MRPS28: variants seen among roughly 807,000 people sequenced by gnomAD.
The protein encoded by MRPS28 is small ribosomal subunit protein bS1m.
MRPS28 carries 7 observed loss-of-function variants against 10.8 expected under a neutral mutation model. That is an observed-to-expected ratio of 0.65 (90% CI 0.37 to 1.22). The LOEUF is 1.22. Among genes scored for constraint, MRPS28 ranks in the 50% most tolerant of loss-of-function variants. MRPS28 has a pLI of 0.02. For missense variants in MRPS28, 265 were observed against 232.9 expected (o/e 1.14, Z -0.90); for synonymous variants, 121 against 93.3 (o/e 1.30, Z -1.71).
At chr8:80,008,377 TC>T (rs1240003414) in intron 1 of MRPS28, among the ~76,000 whole-genome samples, 1 of 152,032 alleles carries the variant, frequency 6.6e-6, no homozygotes, top group Non-Finnish European at 1.5e-5. Flanking sequence ...GGACTTCATG[TC>T]TAAAACACCA....
At chr8:79,928,536 T>C (rs1273235787) in intron 2 of MRPS28, among the ~76,000 whole-genome samples, 2 of 151,740 alleles carry the variant, frequency 1.3e-5, no homozygotes, top group Non-Finnish European at 2.9e-5. Flanking sequence ...ACCTCCCGGG[T>C]TCAAGAAATT....
chr8:79,990,989 CAAAAA>C (rs60436244), intron 2 of MRPS28, among the ~76,000 whole-genome samples: 2 of 118,902 alleles, frequency 1.7e-5, no homozygotes, highest in African/African-American at 3.2e-5. Context: ...GACTCCATCT[CAAAAA>C]AAAAAAAAAA....
intron 1 of MRPS28, among the ~76,000 whole-genome samples, chr8:80,027,546 TAAGTA>T (rs903845903): frequency 6.0e-4 from 92 of 152,192 alleles, no homozygotes; most frequent in African/African-American, 2.1e-3. Flanking sequence ...AGGAGAGCAA[TAAGTA>T]AATAACCTCA....
At chr8:79,993,882 T>A (rs1218223679) in intron 2 of MRPS28, among the ~76,000 whole-genome samples, 1 of 152,184 alleles carries the variant, frequency 6.6e-6, no homozygotes, top group Non-Finnish European at 1.5e-5. Flanking sequence ...TATCACACAA[T>A]CTGAAATAGA....
At position 79,992,576 on chromosome 8, in the gene MRPS28, T is replaced by C. The variant is rs181272412; in HGVS notation, c.395+10423A>G. Among the ~76,000 whole-genome samples, 47 of 152,352 alleles carry C rather than the reference T, an allele frequency of 3.1e-4. 1 individual carries two copies. In the Middle Eastern group the frequency reaches 0.027, roughly 88 times the overall value. Reference sequence around the variant, plus strand: ...TGTGTTACTGTGCTATACGTTTATATCTTTCCTCCTAAAGATGAAGATGTC... The same window carrying C: ...TGTGTTACTGTGCTATACGTTTATACCTTTCCTCCTAAAGATGAAGATGTC... On this transcript the variant is annotated intron_variant, in intron 2 of 2. Coordinates refer to ENST00000276585, the MANE Select transcript of MRPS28 (RefSeq NM_014018.3).
At chr8:79,960,696 C>T (rs750754427) in intron 2 of MRPS28, among the ~76,000 whole-genome samples, 2 of 151,904 alleles carry the variant, frequency 1.3e-5, no homozygotes, top group African/African-American at 2.4e-5. Flanking sequence ...TTTAATTATG[C>T]TTAATCTTAG....
At chr8:79,934,570 A>AC (rs1344896748) in intron 2 of MRPS28, among the ~76,000 whole-genome samples, 1 of 152,256 alleles carries the variant, frequency 6.6e-6, no homozygotes, top group Non-Finnish European at 1.5e-5. Flanking sequence ...TAATTGTTCT[A>AC]CTTCAAGTAA....
intron 2 of MRPS28, among the ~76,000 whole-genome samples, chr8:79,981,770 G>A (rs1399934487): frequency 2.6e-5 from 4 of 152,140 alleles, no homozygotes; most frequent in Non-Finnish European, 5.9e-5. Flanking sequence ...TGCTTTCAAG[G>A]AAATCACATC....
intron 2 of MRPS28, among the ~76,000 whole-genome samples, chr8:79,923,362 T>A (rs910579033): frequency 3.9e-5 from 6 of 152,116 alleles, no homozygotes; most frequent in Non-Finnish European, 8.8e-5. Context: ...CCTTTAGGAG[T>A]GGTAAGAATT....
At chr8:79,994,512 C>A (rs1325095469) in intron 2 of MRPS28, among the ~76,000 whole-genome samples, 5 of 152,110 alleles carry the variant, frequency 3.3e-5, no homozygotes, top group Non-Finnish European at 7.4e-5. Flanking sequence ...TTCTCTCTCA[C>A]CAACCACAAC....
intron 2 of MRPS28, among the ~76,000 whole-genome samples, chr8:79,949,568 C>A (rs765746018): frequency 4.6e-5 from 7 of 152,162 alleles, no homozygotes; most frequent in Non-Finnish European, 7.3e-5. Flanking sequence ...AATCAAACTA[C>A]AAGAACTTGC....
At chr8:79,948,834 TA>T (rs1807002852) in intron 2 of MRPS28, among the ~76,000 whole-genome samples, 1 of 152,232 alleles carries the variant, frequency 6.6e-6, no homozygotes, top group African/African-American at 2.4e-5. Context: ...TGATGTATTA[TA>T]CATTTTTCAA....
chr8:80,000,425 T>G lies in MRPS28; in HGVS notation c.395+2574A>C, dbSNP rs545373162. Among the ~76,000 whole-genome samples the G allele has an allele frequency of 1.2e-4, 19 of 152,290 alleles. No homozygotes were observed. In the South Asian group the frequency reaches 3.9e-3, roughly 32 times the overall value. ...TTTAAAAAGACTCTAATATAGTGACTGCTCCAAAGACTAGAGAATTTACTT... is the reference window on the plus strand; with the variant it reads ...TTTAAAAAGACTCTAATATAGTGACGGCTCCAAAGACTAGAGAATTTACTT... On this transcript the variant is annotated intron_variant, in intron 2 of 2. Coordinates refer to ENST00000276585, the MANE Select transcript of MRPS28 (RefSeq NM_014018.3).
chr8:79,946,151 A>T (rs1806910153), intron 2 of MRPS28, among the ~76,000 whole-genome samples: 1 of 152,138 alleles, frequency 6.6e-6, no homozygotes, highest in African/African-American at 2.4e-5. Context: ...TATTTTCTAA[A>T]TATATCATGA....
intron 2 of MRPS28, among the ~76,000 whole-genome samples, chr8:79,969,883 A>G (rs1478512200): frequency 6.6e-6 from 1 of 152,204 alleles, no homozygotes; most frequent in African/African-American, 2.4e-5. Flanking sequence ...AGCTATTGAA[A>G]CAAAATATAG....
chr8:79,959,049 A>G (rs1360715617), intron 2 of MRPS28, among the ~76,000 whole-genome samples: 1 of 152,144 alleles, frequency 6.6e-6, no homozygotes, highest in Non-Finnish European at 1.5e-5. Context: ...CTAGAGCTAC[A>G]TAACAGATTT....
At position 79,989,956 on chromosome 8, in the gene MRPS28, C is replaced by G. The variant is rs1486716801; in HGVS notation, c.395+13043G>C. Among the ~76,000 whole-genome samples the G allele has an allele frequency of 2.6e-5, 4 of 152,270 alleles. No homozygotes were observed. In the East Asian group the frequency reaches 7.7e-4, roughly 29 times the overall value. ...ATCACCTGAGCTCAAGAGTTCAAGA[C>G]TAGCCTGGGCAACATGGTAAAACTC... On this transcript the variant is annotated intron_variant, in intron 2 of 2. Transcript: ENST00000276585.
In MRPS28 at chr8:80,003,108, T is replaced by C; in HGVS notation, c.286A>G (p.Lys96Glu). Residue 96 changes from lysine (K) to glutamate (E), a missense_variant, in exon 2 of 3, where the codon AAG (lysine) becomes GAG (glutamate). Lys to Glu is a moderately conservative substitution (Grantham distance 56). Transcript: ENST00000276585. ...ATCCGTCCAATGACCAGTTTATCCT[T>C]TGCAGGTCCCATCTGTGTAAGAGGA... ...HSPLTQMGPA[K>E]DKLVIGRIFH... is the part of the protein sequence containing the mutation. 6.2e-7 allele frequency: 1 copy of C among 1,613,562 alleles called. No individual in the cohort carries two copies. The highest frequency in any genetic ancestry group is 8.5e-7 in the Non-Finnish European group (1 of 1,179,830).
intron 2 of MRPS28, among the ~76,000 whole-genome samples, chr8:79,977,651 T>C (rs1807839271): frequency 6.6e-6 from 1 of 152,090 alleles, no homozygotes; most frequent in Non-Finnish European, 1.5e-5. Flanking sequence ...ATCCCATCTC[T>C]ACAAAAAATA....
Sources: allele counts gnomAD v4.1 joint callset (sites outside exome capture counted in the v4.1 genomes callset), GRCh38; gene constraint gnomAD v4.1.1; transcripts MANE v1.5; gene names NCBI Gene and HGNC (gene_info 2026-07-23, HGNC 2026-07-21).